The following MACF1 variants were observed in gnomAD, a reference collection of about 807,000 sequenced individuals.
The protein encoded by MACF1 is microtubule-actin cross-linking factor 1.
A neutral mutation model predicts 854.8 loss-of-function variants in MACF1; 193 were observed. That is an observed-to-expected ratio of 0.23 (90% CI 0.20 to 0.25). MACF1 has a LOEUF of 0.25. Among genes scored for constraint, MACF1 ranks in the 10% least tolerant of loss-of-function variants. MACF1 has a pLI of 1.00. For synonymous variants in MACF1, 3,185 were observed against 3,226.7 expected (o/e 0.99, Z 0.44); for missense variants, 7,722 against 8,929.1 (o/e 0.86, Z 5.45).
Position 39,435,636 on chromosome 1 carries a change from A to C in MACF1, c.17863A>C (p.Asn5955His), listed in dbSNP as rs757111245. ...LKIGPQLKELNPEEGEMVEEK... is the reference protein window; with the variant it reads ...LKIGPQLKELHPEEGEMVEEK... ...GATAGGCCCACAACTAAAGGAATTA[A>C]ACCCTGAGGAAGGGGAAATGGTGGA... Residue 5955 changes from asparagine (N) to histidine (H), a missense_variant, in exon 70 of 101, where the codon AAC becomes CAC. Physicochemically the swap from Asn to His is moderately conservative, Grantham distance 68. Around this residue, in one of 15 missense-constraint regions of MACF1, gnomAD observed 2,807 missense variants for 3,235.8 expected, o/e 0.87. Transcript: ENST00000564288. 3.1e-6 allele frequency: 5 copies of C among 1,614,218 alleles called. No individual in the cohort carries two copies. In the East Asian group the frequency reaches 1.1e-4, roughly 36 times the overall value.
Position 39,464,859 on chromosome 1 carries a change from A to G in MACF1, c.21754-236A>G, listed in dbSNP as rs1644629821. 8.7e-6 allele frequency: 4 copies of G among 461,814 alleles called. No homozygotes were observed. The East Asian group carries it at 1.7e-4, about 19-fold the overall frequency. 28.6% of individuals were successfully genotyped at this position (461,814 alleles called of 1,614,324 possible). Reference sequence around the variant, plus strand: ...AACGCCGGGGTCGGAGGTTGCAGTGAGCCATGATCGCGCCACTGCACTCCA... The same window carrying G: ...AACGCCGGGGTCGGAGGTTGCAGTGGGCCATGATCGCGCCACTGCACTCCA... On this transcript the variant is annotated intron_variant, in intron 94 of 100. Coordinates refer to ENST00000564288, the MANE Select transcript of MACF1 (RefSeq NM_001394062.1).
intron 58 of MACF1, among the ~76,000 whole-genome samples, chr1:39,389,907 G>A (rs747602113): frequency 6.6e-6 from 1 of 152,130 alleles, no homozygotes; most frequent in African/African-American, 2.4e-5. Context: ...TTTGCCTATA[G>A]GAAAGAAGTT....
intron 2 of MACF1, among the ~76,000 whole-genome samples, chr1:39,248,011 A>C (rs1415881386): frequency 6.6e-6 from 1 of 151,980 alleles, no homozygotes; most frequent in Non-Finnish European, 1.5e-5. Context: ...ACAGAGCAAG[A>C]CTCTGTCTCA....
chr1:39,310,331 C>T lies in MACF1; in HGVS notation c.3003C>T (p.Asp1001=), dbSNP rs753535912. Residue 1001 remains aspartate, a synonymous_variant, in exon 25 of 101, where the codon GAC becomes GAT. Transcript: ENST00000564288. ...AAGACTTTCTGCAGGATAGTCGTGA[C>T]TCTGTGCTGTTCTCAGTGGCTGATC... The part of the protein sequence containing the change: ...HYEDFLQDSR[D]SVLFSVADRL... The T allele has an allele frequency of 4.2e-5, 67 of 1,614,012 alleles. No individual in the cohort carries two copies. The highest frequency in any genetic ancestry group is 5.7e-5 in the Non-Finnish European group (67 of 1,180,022).
chr1:39,224,191 C>G (rs751975950), intron 1 of MACF1, among the ~76,000 whole-genome samples: 1 of 152,098 alleles, frequency 6.6e-6, no homozygotes, highest in Non-Finnish European at 1.5e-5. Flanking sequence ...TACTCCCCCC[C>G]ATACACACAT....
intron 2 of MACF1, among the ~76,000 whole-genome samples, chr1:39,167,972 GT>G (rs1322596060): frequency 6.6e-6 from 1 of 152,180 alleles, no homozygotes; most frequent in Non-Finnish European, 1.5e-5. Context: ...CACAGCTCAA[GT>G]TCAGCTTGAC....
intron 1 of MACF1, among the ~76,000 whole-genome samples, chr1:39,224,867 G>A (rs919018204): frequency 5.3e-5 from 8 of 152,186 alleles, no homozygotes; most frequent in Non-Finnish European, 5.9e-5. Context: ...ACGAAGATCA[G>A]TAAAGTTGGA....
At chr1:39,464,860 G>A (rs749574109) in intron 94 of MACF1, 9 of 466,354 alleles carry the variant, frequency 1.9e-5, no homozygotes, top group Non-Finnish European at 3.5e-5. Flanking sequence ...GTTGCAGTGA[G>A]CCATGATCGC....
intron 2 of MACF1, among the ~76,000 whole-genome samples, chr1:39,194,440 A>G (rs1571159244): frequency 7.4e-6 from 1 of 134,766 alleles, no homozygotes; most frequent in Non-Finnish European, 1.5e-5. Context: ...TGCAGCCTCC[A>G]CCTCCCGGGC....
intron 18 of MACF1, 83 bp downstream of exon 18, chr1:39,293,702 G>A: frequency 7.8e-7 from 1 of 1,284,744 alleles, no homozygotes; most frequent in Non-Finnish European, 1.1e-6. Flanking sequence ...GAAAGCTTGG[G>A]TGGCTGGAGT....
chr1:39,419,014 A>C (rs895085893), intron 58 of MACF1, among the ~76,000 whole-genome samples: 2 of 152,250 alleles, frequency 1.3e-5, no homozygotes, highest in African/African-American at 4.8e-5. Context: ...TGCTTAGTTA[A>C]TAACATGACA....
At chr1:39,115,861 G>A (rs1330046359) in intron 2 of MACF1, among the ~76,000 whole-genome samples, 1 of 152,204 alleles carries the variant, frequency 6.6e-6, no homozygotes, top group Non-Finnish European at 1.5e-5. Flanking sequence ...GAGTTTCAAG[G>A]AGAGTGTGAC....
intron 71 of MACF1, among the ~76,000 whole-genome samples, chr1:39,438,211 T>G (rs143466111): frequency 6.6e-6 from 1 of 152,322 alleles, no homozygotes; most frequent in African/African-American, 2.4e-5. Flanking sequence ...GGTAGTTAGA[T>G]TCCCAGGCCA....
Position 39,412,983 on chromosome 1 carries a change from G to T in MACF1, c.15817-9391G>T, listed in dbSNP as rs1643091592. ...CTGCTGCAGTATCAGCCCCAGAGAGGGCTACTGTCCCAGCTGTTACAGTAT... is the reference window on the plus strand; with the variant it reads ...CTGCTGCAGTATCAGCCCCAGAGAGTGCTACTGTCCCAGCTGTTACAGTAT... On this transcript the variant is annotated intron_variant, in intron 58 of 100. Coordinates refer to ENST00000564288, the MANE Select transcript of MACF1 (RefSeq NM_001394062.1). 4 of 1,586,898 alleles carry T rather than the reference G, an allele frequency of 2.5e-6. No homozygotes were observed. In the African/African-American group the frequency reaches 4.0e-5, roughly 16 times the overall value.
chr1:39,347,191 A>G lies in MACF1; in HGVS notation c.10796A>G (p.Glu3599Gly). 6.2e-7 allele frequency: 1 copy of G among 1,613,496 alleles called. No homozygotes were observed. Among genetic ancestry groups the G allele is most frequent in the Non-Finnish European group, 8.5e-7 (1 of 1,179,622 alleles). ...TTGCAGGGCCATCTTCAACAAATGGAGCAGGAAGCCCTGGTGAAGGTCAGA... is the reference window on the plus strand; with the variant it reads ...TTGCAGGGCCATCTTCAACAAATGGGGCAGGAAGCCCTGGTGAAGGTCAGA... Reference protein sequence around the residue: ...DALQGHLQQMEQEALVKTLQK... With the variant: ...DALQGHLQQMGQEALVKTLQK... Residue 3599 changes from glutamate (E) to glycine (G), a missense_variant, in exon 41 of 101, where the codon GAG (glutamate) becomes GGG (glycine). By Grantham distance (98) the Glu-to-Gly change is moderately conservative. Coordinates refer to ENST00000564288, the MANE Select transcript of MACF1 (RefSeq NM_001394062.1).
At chr1:39,414,417 C>G (rs768233830) in intron 58 of MACF1, 10 of 1,613,942 alleles carry the variant, frequency 6.2e-6, no homozygotes, top group South Asian at 5.5e-5. Flanking sequence ...AAGAGGTGAC[C>G]AGCACAGTGC....
chr1:39,454,705 C>T (rs888600122), intron 88 of MACF1, among the ~76,000 whole-genome samples: 3 of 152,034 alleles, frequency 2.0e-5, no homozygotes, highest in Non-Finnish European at 2.9e-5. Context: ...GAGGCTGAGG[C>T]AGGAGAGTCA....
At chr1:39,112,008 A>C (rs936896457) in intron 2 of MACF1, among the ~76,000 whole-genome samples, 8 of 151,856 alleles carry the variant, frequency 5.3e-5, no homozygotes, top group Admixed American at 2.6e-4. Context: ...CAACCTTAGC[A>C]ACCCTTCCCC....
Position 39,451,033 on chromosome 1 carries a change from G to A in MACF1, c.20259-19G>A, listed in dbSNP as rs1441745173. ...AAAAGGAATCCCTAAAAATGGTAGC[G>A]TTTGTGTGCATTTCTCAGGCAGCAC... On this transcript the variant is annotated intron_variant, in intron 84 of 100. Coordinates refer to ENST00000564288, the MANE Select transcript of MACF1 (RefSeq NM_001394062.1). The A allele has an allele frequency of 1.6e-5, 26 of 1,609,372 alleles. No individual in the cohort carries two copies. Among genetic ancestry groups the A allele is most frequent in the South Asian group, 4.4e-5 (4 of 90,214 alleles).
Sources: allele counts gnomAD v4.1 joint callset (sites outside exome capture counted in the v4.1 genomes callset), GRCh38; gene constraint gnomAD v4.1.1; regional missense constraint gnomAD v4.1.1; transcripts MANE v1.5; gene names NCBI Gene and HGNC (gene_info 2026-07-23, HGNC 2026-07-21).